The following NBAS variants were observed in gnomAD, a reference collection of about 807,000 sequenced individuals.
NBAS encodes NAG/BC035112 fusion.
NBAS carries 219 observed loss-of-function variants against 302.5 expected under a neutral mutation model. The ratio of observed to expected loss-of-function variants is 0.72; its 90% CI spans 0.65 to 0.81. The LOEUF is 0.81. NBAS is among the 30% of genes least tolerant of loss of function. The pLI, the probability that NBAS is intolerant of heterozygous loss-of-function variation, is 0.00. For missense variants in NBAS, 2,932 were observed against 2,841.6 expected (o/e 1.03, Z -0.72); for synonymous variants, 1,118 against 1,021.6 (o/e 1.09, Z -1.80).
the NBAS span, among the ~76,000 whole-genome samples, chr2:14,784,084 T>C: frequency 6.6e-6 from 1 of 152,136 alleles, no homozygotes; most frequent in Non-Finnish European, 1.5e-5. Flanking sequence ...ATGGTGAGCA[T>C]TTTTTCATGT....
At chr2:15,247,845 C>A (rs532487213) in intron 44 of NBAS, among the ~76,000 whole-genome samples, 157 of 152,036 alleles carry the variant, frequency 1.0e-3, no homozygotes, top group African/African-American at 3.6e-3. Context: ...TAGACTCCCA[C>A]ACAATAATAG....
At chr2:15,313,639 G>A (rs1260177082) in intron 38 of NBAS, among the ~76,000 whole-genome samples, 1 of 152,176 alleles carries the variant, frequency 6.6e-6, no homozygotes, top group African/African-American at 2.4e-5. Context: ...ACATGCAACT[G>A]CAATTTTCAT....
chr2:14,936,867 A>T, the NBAS span, among the ~76,000 whole-genome samples: 7,402 of 152,218 alleles, frequency 0.049, 569 homozygotes, highest in African/African-American at 0.17. Flanking sequence ...GAAGTGTGGG[A>T]AGCCCTGCTG....
At chr2:15,084,433 T>C in the NBAS span, among the ~76,000 whole-genome samples, 4 of 152,160 alleles carry the variant, frequency 2.6e-5, no homozygotes, top group Admixed American at 2.6e-4. Context: ...ATAGCTATCA[T>C]TTGTTAATTA....
the NBAS span, among the ~76,000 whole-genome samples, chr2:15,048,005 T>A: frequency 6.6e-6 from 1 of 150,634 alleles, no homozygotes; most frequent in African/African-American, 2.5e-5. Context: ...CACAATTGTT[T>A]AAGTTTGCGT....
chr2:14,844,194 A>G, the NBAS span, among the ~76,000 whole-genome samples: 1 of 152,190 alleles, frequency 6.6e-6, no homozygotes, highest in Non-Finnish European at 1.5e-5. Context: ...TTTGTCATGC[A>G]TCTTGGAAAC....
chr2:15,277,542 C>T (rs915701918), intron 42 of NBAS, among the ~76,000 whole-genome samples: 5 of 152,070 alleles, frequency 3.3e-5, no homozygotes, highest in Non-Finnish European at 7.4e-5. Flanking sequence ...ACAGAAAAAA[C>T]CCTAAACTTT....
chr2:15,296,354 C>A (rs1293076024), intron 40 of NBAS, among the ~76,000 whole-genome samples: 1 of 152,202 alleles, frequency 6.6e-6, no homozygotes, highest in East Asian at 1.9e-4. Flanking sequence ...ACCTGGCCAA[C>A]ATGGAGAAAC....
chr2:15,558,735 C>CA (rs1664766807), intron 1 of NBAS, 101 bp from the exon 2 acceptor site: 6 of 939,964 alleles, frequency 6.4e-6, no homozygotes, highest in East Asian at 5.3e-5. Flanking sequence ...TACTAATACT[C>CA]AGAGTTTTGG....
At chr2:15,430,870 A>C (rs1677732331) in intron 21 of NBAS, among the ~76,000 whole-genome samples, 1 of 151,980 alleles carries the variant, frequency 6.6e-6, no homozygotes, top group African/African-American at 2.4e-5. Context: ...GCAGTGGCAC[A>C]ATCTCAGCTC....
At chr2:15,557,170 T>C (rs766062260) in intron 2 of NBAS, among the ~76,000 whole-genome samples, 46 of 152,168 alleles carry the variant, frequency 3.0e-4, no homozygotes, top group South Asian at 1.0e-3. Flanking sequence ...AAAATATTTG[T>C]ATAAAAAATT....
chr2:15,279,738 T>C (rs975656603), intron 42 of NBAS, among the ~76,000 whole-genome samples: 1 of 152,190 alleles, frequency 6.6e-6, no homozygotes, highest in South Asian at 2.1e-4. Flanking sequence ...TGACTCATGA[T>C]AAATACCCAA....
At position 15,374,697 on chromosome 2, in the gene NBAS, T is replaced by C. The variant is rs753442930; in HGVS notation, c.3614A>G (p.Asp1205Gly). 1.9e-6 allele frequency: 3 copies of C among 1,613,778 alleles called. No homozygotes were observed. The highest frequency in any genetic ancestry group is 2.5e-6 in the Non-Finnish European group (3 of 1,179,830). ...CTCCTCTTGAATGGCAGGGGGTCTG[T>C]CTGTTATCAGTTGTAAGCAGCACCT... ...LARCCLQLIT[D>G]RPPAIQEELD... The change falls in exon 31 of 52, where the codon GAC (aspartate) becomes GGC (glycine). Residue 1205 changes from aspartate to glycine, a missense_variant. Asp to Gly is a moderately conservative substitution (Grantham distance 94). Coordinates refer to ENST00000281513, the MANE Select transcript of NBAS (RefSeq NM_015909.4).
chr2:15,310,594 G>T (rs560082147), intron 38 of NBAS, among the ~76,000 whole-genome samples: 2 of 152,188 alleles, frequency 1.3e-5, no homozygotes, highest in South Asian at 4.2e-4. Context: ...AATTCAAAGG[G>T]CCCAAATCAA....
At chr2:15,091,321 G>A in the NBAS span, among the ~76,000 whole-genome samples, 1 of 65,366 alleles carries the variant, frequency 1.5e-5, no homozygotes, top group Non-Finnish European at 3.5e-5. Context: ...CCACTGATAT[G>A]TGGATTTTCT....
the NBAS span, among the ~76,000 whole-genome samples, chr2:14,878,549 G>A: frequency 6.6e-6 from 1 of 152,152 alleles, no homozygotes; most frequent in Admixed American, 6.5e-5. Flanking sequence ...CTGGAAGCTG[G>A]AAAACTGATT....
intron 9 of NBAS, among the ~76,000 whole-genome samples, chr2:15,518,675 T>C (rs1365664950): frequency 6.6e-6 from 1 of 152,188 alleles, no homozygotes; most frequent in East Asian, 1.9e-4. Context: ...AATCTTTGTA[T>C]TAGTCCATTT....
At chr2:15,048,174 G>C in the NBAS span, among the ~76,000 whole-genome samples, 3 of 152,226 alleles carry the variant, frequency 2.0e-5, no homozygotes, top group Admixed American at 6.5e-5. Context: ...GGCAGGGAGA[G>C]GAATGAGCTG....
downstream of NBAS, among the ~76,000 whole-genome samples, chr2:15,162,431 C>CT (rs1382559273): frequency 6.6e-6 from 1 of 152,214 alleles, no homozygotes; most frequent in African/African-American, 2.4e-5. Flanking sequence ...CTGGAGGCAG[C>CT]TTTCCACAAC....
Sources: gnomAD v4.1 joint callset for allele counts (sites outside exome capture counted in the v4.1 genomes callset) on GRCh38, gnomAD v4.1.1 for gene constraint, MANE v1.5 for transcripts, NCBI Gene and HGNC (gene_info 2026-07-23, HGNC 2026-07-21) for gene names.